Variants in FRMPD4 observed in about 807,000 individuals in gnomAD.
FRMPD4 encodes FERM and PDZ domain containing 4.
In FRMPD4, 22 loss-of-function variants were observed where a neutral mutation model predicts 94.1. The observed-to-expected ratio is 0.23, with a 90% confidence interval of 0.17 to 0.33. FRMPD4 has a LOEUF of 0.33. Among genes scored for constraint, FRMPD4 ranks in the 10% least tolerant of loss-of-function variants. The pLI, the probability that FRMPD4 is intolerant of heterozygous loss-of-function variation, is 1.00. For missense variants in FRMPD4, 1,111 were observed against 1,339.9 expected, an observed-to-expected ratio of 0.83 and a Z score of 2.67; for synonymous variants, 631 against 548.6, an observed-to-expected ratio of 1.15 and a Z score of -2.10.
At chrX:12,211,776 G>A (rs918426970) in intron 1 of FRMPD4, among the ~76,000 whole-genome samples, 3 of 111,694 alleles carry the variant, frequency 2.7e-5, no homozygotes, top group Non-Finnish European at 5.6e-5. Flanking sequence ...AGCTTTCCAA[G>A]CATTTAAAAG....
chrX:12,656,307 C>T (rs1185898108), intron 4 of FRMPD4, among the ~76,000 whole-genome samples: 1 of 112,289 alleles, frequency 8.9e-6, no homozygotes, highest in Non-Finnish European at 1.9e-5. Flanking sequence ...ATTGGTTGAA[C>T]ACATGTATAC....
intron 2 of FRMPD4, among the ~76,000 whole-genome samples, chrX:11,872,282 T>A (rs1243109969): frequency 8.9e-6 from 1 of 112,491 alleles, no homozygotes; most frequent in East Asian, 2.8e-4. Context: ...GCTAATTTAC[T>A]TAATAGCTAC....
At chrX:12,440,368 CTG>C (rs926249489) in intron 1 of FRMPD4, among the ~76,000 whole-genome samples, 1 of 111,435 alleles carries the variant, frequency 9.0e-6, no homozygotes, top group African/African-American at 3.3e-5. Flanking sequence ...CCAGGGGTGA[CTG>C]TGACCTGTAA....
At chrX:12,007,107 A>C (rs2147410903) in intron 3 of FRMPD4, among the ~76,000 whole-genome samples, 1 of 111,587 alleles carries the variant, frequency 9.0e-6, no homozygotes, top group African/African-American at 3.3e-5. Context: ...CTGGGCCCAG[A>C]CCTCAAGAAC....
At chrX:12,679,535 T>G (rs1197521354) in intron 5 of FRMPD4, among the ~76,000 whole-genome samples, 1 of 110,874 alleles carries the variant, frequency 9.0e-6, no homozygotes, top group Non-Finnish European at 1.9e-5. Flanking sequence ...CAGGGGAGGG[T>G]GGGAAAGAGT....
intron 1 of FRMPD4, among the ~76,000 whole-genome samples, chrX:12,324,405 C>T (rs2055254917): frequency 8.9e-6 from 1 of 112,271 alleles, no homozygotes; most frequent in Admixed American, 9.5e-5. Context: ...TTTGTTCAAA[C>T]CATAGCTTCT....
At chrX:12,308,581 G>C (rs150130331) in intron 1 of FRMPD4, among the ~76,000 whole-genome samples, 3,637 of 111,494 alleles carry the variant, frequency 0.033, 155 homozygotes, top group African/African-American at 0.11. Context: ...TTGAAGGAGC[G>C]GGTGTGCTGG....
intron 1 of FRMPD4, among the ~76,000 whole-genome samples, chrX:11,853,621 AAAT>A (rs1267055799): frequency 9.0e-6 from 1 of 111,678 alleles, no homozygotes. Context: ...TAAACTAGAA[AAAT>A]TAGAAAAAAT....
chrX:12,165,161 T>G (rs1427321563), intron 1 of FRMPD4, among the ~76,000 whole-genome samples: 2 of 112,060 alleles, frequency 1.8e-5, no homozygotes, highest in Non-Finnish European at 3.8e-5. Flanking sequence ...TAGGTTTTCT[T>G]CTAGGGTTTT....
intron 1 of FRMPD4, among the ~76,000 whole-genome samples, chrX:12,453,665 C>T (rs763588225): frequency 4.8e-4 from 53 of 111,527 alleles, no homozygotes; most frequent in African/African-American, 1.6e-3. Context: ...TATATTCTAT[C>T]GTTTATTCAT....
chrX:12,495,441 A>C, intron 1 of FRMPD4, among the ~76,000 whole-genome samples: 1 of 111,934 alleles, frequency 8.9e-6, no homozygotes, highest in South Asian at 3.8e-4. Flanking sequence ...CGTGGAAAAT[A>C]AACGGCAGAG....
At chrX:12,073,347 A>T (rs1401438346) in intron 3 of FRMPD4, among the ~76,000 whole-genome samples, 2 of 112,138 alleles carry the variant, frequency 1.8e-5, no homozygotes, top group Admixed American at 9.5e-5. Flanking sequence ...CTGTTATAAC[A>T]TGAAAATTAC....
chrX:12,182,839 G>C (rs1265897060), intron 1 of FRMPD4, among the ~76,000 whole-genome samples: 2 of 111,241 alleles, frequency 1.8e-5, no homozygotes, highest in Non-Finnish European at 3.8e-5. Context: ...TGACACTTTC[G>C]TGGAAATGAA....
At chrX:12,038,426 G>A in intron 3 of FRMPD4, among the ~76,000 whole-genome samples, 1 of 111,934 alleles carries the variant, frequency 8.9e-6, no homozygotes, top group East Asian at 2.8e-4. Flanking sequence ...ATATATTCTA[G>A]GTACAAACCC....
chrX:12,087,849 G>T (rs1403673008), intron 3 of FRMPD4, among the ~76,000 whole-genome samples: 1 of 112,026 alleles, frequency 8.9e-6, no homozygotes, highest in Non-Finnish European at 1.9e-5. Flanking sequence ...GGAACAATTG[G>T]CCCCAAAGAA....
intron 4 of FRMPD4, among the ~76,000 whole-genome samples, chrX:12,627,424 AT>A (rs1277117294): frequency 5.6e-4 from 63 of 112,344 alleles, no homozygotes; most frequent in African/African-American, 2.0e-3. Context: ...GCTCTATGGT[AT>A]GCTGACACTA....
chrX:12,497,514 A>C (rs1049059021), intron 1 of FRMPD4, among the ~76,000 whole-genome samples: 10 of 108,416 alleles, frequency 9.2e-5, no homozygotes, highest in Non-Finnish European at 1.3e-4. Context: ...GCCACTGCTG[A>C]CTTTTGTGCA....
chrX:12,034,838 G>T (rs984252621), intron 3 of FRMPD4, among the ~76,000 whole-genome samples: 5 of 112,388 alleles, frequency 4.4e-5, no homozygotes, highest in African/African-American at 1.6e-4. Flanking sequence ...ATGTGTGCGT[G>T]TATACACACA....
intron 1 of FRMPD4, among the ~76,000 whole-genome samples, chrX:12,354,765 C>T (rs377625912): frequency 9.0e-6 from 1 of 111,672 alleles, no homozygotes; most frequent in Non-Finnish European, 1.9e-5. Context: ...ATAAATCATT[C>T]TGTTGAAGAA....
Sources: allele counts gnomAD v4.1 joint callset (sites outside exome capture counted in the v4.1 genomes callset), GRCh38; gene constraint gnomAD v4.1.1; transcripts MANE v1.5; gene names NCBI Gene and HGNC (gene_info 2026-07-23, HGNC 2026-07-21).